GTSF1: variants seen among roughly 807,000 people sequenced by gnomAD.
The protein encoded by GTSF1 is gametocyte-specific factor 1.
GTSF1 carries 11 observed loss-of-function variants against 28.9 expected under a neutral mutation model. That is an observed-to-expected ratio of 0.38 (90% CI 0.24 to 0.63). The LOEUF (loss-of-function observed/expected upper bound fraction) is 0.63. Ranked by LOEUF, GTSF1 falls within the 30% of genes least tolerant of loss-of-function variation. The pLI, the probability that GTSF1 is intolerant of heterozygous loss-of-function variation, is 0.56. For missense variants in GTSF1, 146 were observed against 201.0 expected (o/e 0.73, Z 1.66); for synonymous variants, 69 against 65.6 (o/e 1.05, Z -0.25).
chr12:54,461,996 C>T, intron 6 of GTSF1, 113 bp downstream of exon 6: 4 of 710,398 alleles, frequency 5.6e-6, no homozygotes, highest in African/African-American at 1.8e-5. Context: ...GACTAAACTA[C>T]CATCAAGGAA....
chr12:54,469,817 T>C (rs1375405406), intron 2 of GTSF1, among the ~76,000 whole-genome samples: 1 of 150,846 alleles, frequency 6.6e-6, no homozygotes, highest in Non-Finnish European at 1.5e-5. Flanking sequence ...GCTGCCTGAG[T>C]AGCTGGGATT....
At chr12:54,459,723 T>C (rs2120732200) in intron 7 of GTSF1, 1 of 102,896 alleles carries the variant, frequency 9.7e-6, no homozygotes, top group South Asian at 3.9e-4. Context: ...ATATTATGCC[T>C]TTTTTTTTTT....
intron 1 of GTSF1, chr12:54,472,517 C>T (rs1956605599): frequency 6.6e-6 from 1 of 152,196 alleles, no homozygotes; most frequent in South Asian, 2.1e-4. Context: ...CAGTTTGAAT[C>T]CTTTTCTATT....
intron 2 of GTSF1, among the ~76,000 whole-genome samples, chr12:54,470,348 A>G (rs1233339611): frequency 6.6e-6 from 1 of 152,222 alleles, no homozygotes; most frequent in Non-Finnish European, 1.5e-5. Context: ...CTGGTTCAAC[A>G]AGCTTTCCAG....
At chr12:54,462,990 A>G (rs1956448716) in intron 4 of GTSF1, among the ~76,000 whole-genome samples, 181 bp downstream of exon 4, 1 of 152,226 alleles carries the variant, frequency 6.6e-6, no homozygotes, top group Non-Finnish European at 1.5e-5. Context: ...TGTTCAGGAG[A>G]GAAAACAGTA....
At chr12:54,462,352 C>T (rs11170913) in intron 5 of GTSF1, among the ~76,000 whole-genome samples, 180 bp from the exon 6 acceptor site, 9,328 of 152,176 alleles carry the variant, frequency 0.061, 412 homozygotes, top group South Asian at 0.12. Flanking sequence ...AATATAAACA[C>T]AAGCAACATA....
At chr12:54,459,556 T>TC (rs1956388245) in intron 7 of GTSF1, 1 of 782,030 alleles carries the variant, frequency 1.3e-6, no homozygotes, top group Non-Finnish European at 1.8e-6. Flanking sequence ...ATGATACAAA[T>TC]TTAGTACTTG....
At chr12:54,473,378 C>A (rs1430299635) in intron 1 of GTSF1, among the ~76,000 whole-genome samples, 168 bp downstream of exon 1, 1 of 152,076 alleles carries the variant, frequency 6.6e-6, no homozygotes, top group African/African-American at 2.4e-5. Flanking sequence ...AGGAGGCCCT[C>A]GAGTGGGCAA....
intron 2 of GTSF1, among the ~76,000 whole-genome samples, chr12:54,469,988 C>T (rs563282240): frequency 2.6e-5 from 4 of 152,212 alleles, no homozygotes; most frequent in South Asian, 2.1e-4. Context: ...CTGGCCAACA[C>T]GGTGAAACCC....
chr12:54,456,357 T>C (rs1956330077), intron 8 of GTSF1, among the ~76,000 whole-genome samples: 1 of 152,202 alleles, frequency 6.6e-6, no homozygotes, highest in South Asian at 2.1e-4. Flanking sequence ...ACTTGTTAAT[T>C]GAATTAAAAA....
At chr12:54,456,937 T>G (rs903092997) in intron 8 of GTSF1, among the ~76,000 whole-genome samples, 9 of 152,068 alleles carry the variant, frequency 5.9e-5, no homozygotes, top group African/African-American at 2.2e-4. Flanking sequence ...ATACAAAAAT[T>G]AGCCGGGCGT....
chr12:54,464,843 A>G (rs1444650241), intron 3 of GTSF1: 1 of 351,830 alleles, frequency 2.8e-6, no homozygotes, highest in Non-Finnish European at 5.4e-6. Context: ...TGCTGTTTAT[A>G]AAGGGTTCTT....
At chr12:54,461,440 A>AG (rs1051285166) in intron 6 of GTSF1, among the ~76,000 whole-genome samples, 18 of 152,098 alleles carry the variant, frequency 1.2e-4, no homozygotes, top group Middle Eastern at 3.4e-3. Flanking sequence ...TGGGAGGCAG[A>AG]GGGGGGAGGA....
intron 3 of GTSF1, 161 bp downstream of exon 3, chr12:54,464,906 A>C (rs1257968114): frequency 4.2e-6 from 2 of 474,954 alleles, no homozygotes; most frequent in African/African-American, 3.9e-5. Flanking sequence ...TATCCTAAGG[A>C]ATGAACAAAT....
chr12:54,465,181 G>T lies in GTSF1; in HGVS notation c.17-14C>A. 6.3e-7 allele frequency: 1 copy of T among 1,589,664 alleles called. No individual in the cohort carries two copies. Among genetic ancestry groups the T allele is most frequent in the Non-Finnish European group, 8.6e-7 (1 of 1,158,406 alleles). ...CCAGGGAGTCGGCTGAAAGACAGAA[G>T]TGTTTCAGTAGGTAAAACGATAATA... On this transcript the variant is annotated splice_polypyrimidine_tract_variant and intron_variant, in intron 2 of 8. Coordinates refer to ENST00000305879, the MANE Select transcript of GTSF1 (RefSeq NM_144594.3).
intron 3 of GTSF1, chr12:54,464,590 TA>T (rs965641834): frequency 1.3e-5 from 2 of 152,446 alleles, no homozygotes; most frequent in Non-Finnish European, 2.9e-5. Context: ...CGTTATTTAT[TA>T]TTTTTTTAAA....
At chr12:54,458,239 A>G (rs2120723783) in intron 8 of GTSF1, among the ~76,000 whole-genome samples, 1 of 152,356 alleles carries the variant, frequency 6.6e-6, no homozygotes, top group African/African-American at 2.4e-5. Flanking sequence ...GGTAACCTAA[A>G]GGAAAGGCTT....
At chr12:54,466,264 G>T (rs1245061098) in intron 2 of GTSF1, among the ~76,000 whole-genome samples, 8 of 152,216 alleles carry the variant, frequency 5.3e-5, no homozygotes, top group Admixed American at 3.9e-4. Context: ...TGAAGGCAAT[G>T]ATAAAAGTGA....
chr12:54,458,131 C>T (rs1956363526), intron 8 of GTSF1, among the ~76,000 whole-genome samples: 1 of 152,290 alleles, frequency 6.6e-6, no homozygotes, highest in East Asian at 1.9e-4. Flanking sequence ...CCATTCTCAG[C>T]CTTTATAACA....
Sources: gnomAD v4.1 joint callset for allele counts (sites outside exome capture counted in the v4.1 genomes callset) on GRCh38, gnomAD v4.1.1 for gene constraint, MANE v1.5 for transcripts, NCBI Gene and HGNC (gene_info 2026-07-23, HGNC 2026-07-21) for gene names.